GATAD2B: variants seen among roughly 807,000 people sequenced by gnomAD.
GATAD2B encodes GATA zinc finger domain containing 2B, also known as transcriptional repressor p66-beta.
GATAD2B carries 8 observed loss-of-function variants against 64.3 expected under a neutral mutation model. The ratio of observed to expected loss-of-function variants is 0.12; its 90% confidence interval spans 0.07 to 0.22. The LOEUF (loss-of-function observed/expected upper bound fraction) is 0.22, where lower values mean the gene tolerates loss of function less well. Ranked by LOEUF, GATAD2B falls within the 10% of genes least tolerant of loss-of-function variation. The probability of loss-of-function intolerance (pLI) is 1.00; values close to 1 mark genes in which losing one functional copy is unlikely to be tolerated. For missense variants in GATAD2B, 453 were observed against 752.0 expected (o/e 0.60, Z 4.65); for synonymous variants, 281 against 271.3 (o/e 1.04, Z -0.35).
intron 1 of GATAD2B, among the ~76,000 whole-genome samples, chr1:153,913,365 A>T (rs1490249700): frequency 1.3e-5 from 2 of 152,178 alleles, no homozygotes; most frequent in East Asian, 3.8e-4. Flanking sequence ...CACAGAAGAG[A>T]AACAATGGTG....
rs1236655811 is a variant in GATAD2B at position 153,816,185 on chromosome 1, T to C, written c.1216+88A>G. The C allele has an allele frequency of 1.2e-6, 1 of 831,530 alleles. No homozygotes were observed. Among genetic ancestry groups the C allele is most frequent in the Non-Finnish European group, 2.0e-6 (1 of 502,286 alleles). The allele number at this position is 831,530 out of a possible 1,614,324, so 51.5% of individuals were successfully genotyped here. A position where few individuals can be genotyped will look rare whatever the true frequency, so the allele number is the denominator to read the frequency against. On this transcript the variant is annotated intron_variant, in intron 7 of 10. Transcript: ENST00000368655. The surrounding 1 kb of genome is among the most constrained non-coding windows in gnomAD (Gnocchi z 4.9). Reference sequence around the variant, plus strand: ...AACAGGAAGGAGAAGTTATTTAATATTGTACAGTACCCTCTGATACTCTGC... The same window carrying C: ...AACAGGAAGGAGAAGTTATTTAATACTGTACAGTACCCTCTGATACTCTGC...
intron 1 of GATAD2B, among the ~76,000 whole-genome samples, chr1:153,917,732 A>G (rs916200636): frequency 6.6e-6 from 1 of 152,202 alleles, no homozygotes; most frequent in African/African-American, 2.4e-5. Context: ...CAGGCACTGT[A>G]CTAGGCACTA....
At chr1:153,860,357 C>A (rs1335495875) in intron 1 of GATAD2B, among the ~76,000 whole-genome samples, 1 of 152,148 alleles carries the variant, frequency 6.6e-6, no homozygotes, top group African/African-American at 2.4e-5. Context: ...TTCCAAAAGA[C>A]AGGGCCTCAC....
intron 1 of GATAD2B, among the ~76,000 whole-genome samples, chr1:153,855,217 T>C (rs1676041244): frequency 1.8e-5 from 1 of 55,418 alleles, no homozygotes; most frequent in Admixed American, 1.9e-4. Context: ...AGCATTAGCT[T>C]TCTTTTTGTT....
intron 1 of GATAD2B, among the ~76,000 whole-genome samples, chr1:153,874,986 T>G (rs898269394): frequency 4.6e-5 from 7 of 152,004 alleles, no homozygotes; most frequent in Non-Finnish European, 8.8e-5. Flanking sequence ...GCTCAATCAA[T>G]CTTCCCACCT....
intron 1 of GATAD2B, among the ~76,000 whole-genome samples, chr1:153,899,574 GAAA>G (rs79231501): frequency 8.8e-6 from 1 of 113,282 alleles, no homozygotes. Flanking sequence ...ATCTTAAAAA[GAAA>G]AAAAAAAAAA....
At chr1:153,853,136 CT>C (rs1675964574) in intron 1 of GATAD2B, 2 of 1,433,152 alleles carry the variant, frequency 1.4e-6, no homozygotes, top group Non-Finnish European at 2.0e-6. Flanking sequence ...TAGGCAGTCT[CT>C]CCTCAATCCT....
intron 1 of GATAD2B, chr1:153,852,063 G>T (rs980629667): frequency 9.4e-6 from 5 of 530,418 alleles, no homozygotes; most frequent in African/African-American, 7.7e-5. Flanking sequence ...GGTGTTAACT[G>T]GCTGGCCGCA....
At chr1:153,874,606 T>C (rs1014051357) in intron 1 of GATAD2B, among the ~76,000 whole-genome samples, 1 of 152,130 alleles carries the variant, frequency 6.6e-6, no homozygotes, top group Non-Finnish European at 1.5e-5. Flanking sequence ...AGACGGAGTT[T>C]CCCTCTGTCA....
At chr1:153,866,671 C>G (rs895233796) in intron 1 of GATAD2B, among the ~76,000 whole-genome samples, 1 of 152,182 alleles carries the variant, frequency 6.6e-6, no homozygotes. Context: ...ACAAACCAAA[C>G]TGCAAATTCC....
intron 1 of GATAD2B, among the ~76,000 whole-genome samples, chr1:153,860,725 A>G (rs1676252558): frequency 6.6e-6 from 1 of 152,186 alleles, no homozygotes; most frequent in Non-Finnish European, 1.5e-5. Context: ...CCGTGGCACA[A>G]TCATAGTTCA....
At position 153,905,701 on chromosome 1, in the gene GATAD2B, G is replaced by A. The variant is rs1004767670; in HGVS notation, c.-2+17032C>T. On this transcript the variant is annotated intron_variant, in intron 1 of 10. Transcript: ENST00000368655. The stretch of plus-strand genomic sequence containing the variant: ...AATCCCAGCTACTCGGGAGGCTGAA[G>A]CAGGAAAACTGCTTGAGCCCAGGAG... Among the ~76,000 whole-genome samples, 3 of 150,260 alleles carry A rather than the reference G, an allele frequency of 2.0e-5. No individual in the cohort carries two copies. In the East Asian group the frequency reaches 5.9e-4, roughly 29 times the overall value.
intron 5 of GATAD2B, 45 bp downstream of exon 5, chr1:153,817,995 T>G: frequency 6.6e-7 from 1 of 1,521,490 alleles, no homozygotes; most frequent in Non-Finnish European, 8.9e-7. Context: ...GAGACAGGAT[T>G]AGACACGGCC....
intron 1 of GATAD2B, among the ~76,000 whole-genome samples, chr1:153,911,621 A>G (rs1175112966): frequency 1.3e-5 from 2 of 152,144 alleles, no homozygotes; most frequent in East Asian, 3.9e-4. Flanking sequence ...CTGTAATCCC[A>G]GCTACTCGGG....
chr1:153,822,652 C>T (rs542066939), intron 2 of GATAD2B, among the ~76,000 whole-genome samples: 1 of 151,920 alleles, frequency 6.6e-6, no homozygotes, highest in African/African-American at 2.4e-5. Flanking sequence ...TACATGTGCC[C>T]GCCACCACAC....
rs1006667936 is a variant in GATAD2B, at chr1:153,895,518, T to G, written c.-2+27215A>C. 2.2e-4 allele frequency among the ~76,000 whole-genome samples: 34 copies of G among 151,578 alleles called. 1 individual carries two copies. The highest frequency in any genetic ancestry group is 8.3e-4 in the African/African-American group (34 of 41,198). ...TCACTTAAGCCCAAGAGATTGGGGC[T>G]GCAGTGAGCCACGATCGTGCCACTG... On this transcript the variant is annotated intron_variant, in intron 1 of 10. Transcript: ENST00000368655.
At chr1:153,910,410 C>A (rs2101967957) in intron 1 of GATAD2B, among the ~76,000 whole-genome samples, 1 of 152,268 alleles carries the variant, frequency 6.6e-6, no homozygotes, top group South Asian at 2.1e-4. Flanking sequence ...GTATAATATT[C>A]AATAAATTAC....
In GATAD2B at chr1:153,806,675, A is replaced by G. The variant is rs564176940; in HGVS notation, c.*3502T>C. On this transcript the variant is annotated 3_prime_UTR_variant, in exon 11 of 11. Transcript: ENST00000368655. ...AAATGGATCAAGAAATAGCTTATAT[A>G]CATGAACGAGTCCTTGTTATAACAT... 2.6e-5 allele frequency: 4 copies of G among 151,474 alleles called. No individual in the cohort carries two copies. Among genetic ancestry groups the G allele is most frequent in the Non-Finnish European group, 5.9e-5 (4 of 67,882 alleles). 9.4% of individuals were successfully genotyped at this position (151,474 alleles called of 1,614,324 possible).
rs1321369566 is a variant in GATAD2B at position 153,805,467 on chromosome 1, T to G, written c.*4710A>C. 6.6e-6 allele frequency: 1 copy of G among 152,188 alleles called. No homozygotes were observed. The highest frequency in any genetic ancestry group is 2.4e-5 in the African/African-American group (1 of 41,414). The allele number at this position is 152,188 out of a possible 1,614,324, so 9.4% of individuals were successfully genotyped here. A position where few individuals can be genotyped will look rare whatever the true frequency, so the allele number is the denominator to read the frequency against. On this transcript the variant is annotated 3_prime_UTR_variant, in exon 11 of 11. Coordinates refer to ENST00000368655, the MANE Select transcript of GATAD2B (RefSeq NM_020699.4). Reference sequence around the variant, plus strand: ...GGCCTAGTCCCCGCCCTCAGATGACTAGAGGCATAAAGGCAAAGATGTCAC... The same window carrying G: ...GGCCTAGTCCCCGCCCTCAGATGACGAGAGGCATAAAGGCAAAGATGTCAC...
Sources: gnomAD v4.1 joint callset for allele counts (sites outside exome capture counted in the v4.1 genomes callset) on GRCh38, gnomAD v4.1.1 for gene constraint, Gnocchi (gnomAD v3.1) non-coding constraint, MANE v1.5 for transcripts, NCBI Gene and HGNC (gene_info 2026-07-23, HGNC 2026-07-21) for gene names.